Variants in ARFGAP1 observed in about 807,000 individuals in gnomAD.
ARFGAP1 encodes the protein ADP-ribosylation factor GTPase-activating protein 1.
ARFGAP1 carries 26 observed loss-of-function variants against 54.0 expected under a neutral mutation model. The observed-to-expected ratio is 0.48, with a 90% CI of 0.35 to 0.67. The LOEUF (loss-of-function observed/expected upper bound fraction) is 0.67, where lower values mean the gene tolerates loss of function less well. Ranked by LOEUF, ARFGAP1 falls within the 30% of genes least tolerant of loss-of-function variation. The pLI is 0.00. For missense variants in ARFGAP1, 525 were observed against 535.8 expected, an observed-to-expected ratio of 0.98 and a Z score of 0.20; for synonymous variants, 248 against 211.9, an observed-to-expected ratio of 1.17 and a Z score of -1.48.
At position 63,276,651 on chromosome 20, in the gene ARFGAP1, G is replaced by A; in HGVS notation, c.342G>A (p.Lys114=). Residue 114 remains lysine (K), a splice_region_variant and synonymous_variant, in exon 4 of 13, where the codon AAG becomes AAA. Transcript: ENST00000370283. The surrounding 1 kb of genome is among the most constrained non-coding windows in gnomAD (Gnocchi z 5.2). ...GAGCCGCGGCCCTCTTTAGGGATAA[G>A]GTAGAGATGGGCCCGATTCACTCTT... The part of the protein sequence containing the change: ...NSRAAALFRD[K]VVALAEGREW... 1 of 1,603,158 alleles carries A rather than the reference G, an allele frequency of 6.2e-7. No individual in the cohort carries two copies. Among genetic ancestry groups the A allele is most frequent in the Non-Finnish European group, 8.5e-7 (1 of 1,173,894 alleles).
chr20:63,282,903 C>CT (rs1268532183), intron 9 of ARFGAP1, 52 bp downstream of exon 9: 1 of 1,601,984 alleles, frequency 6.2e-7, no homozygotes, highest in Middle Eastern at 1.6e-4. Context: ...TATCCTGAGT[C>CT]TGACGTCACG....
At chr20:63,279,909 C>T (rs955801632) in intron 7 of ARFGAP1, among the ~76,000 whole-genome samples, 2 of 152,168 alleles carry the variant, frequency 1.3e-5, no homozygotes, top group African/African-American at 4.8e-5. Context: ...GAGGCCAAGG[C>T]GGGCGGATCA....
Position 63,287,952 on chromosome 20 carries a change from A to T in ARFGAP1, c.*79A>T. On this transcript the variant is annotated 3_prime_UTR_variant, in exon 13 of 13. Transcript: ENST00000370283. The stretch of plus-strand genomic sequence containing the variant: ...TGCCCTCGTCGTTCCTCCTCCTTCC[A>T]TTTGACCCAAGAATCAGCAACTGCA... 1.4e-6 allele frequency: 2 copies of T among 1,405,796 alleles called. No homozygotes were observed. Among genetic ancestry groups the T allele is most frequent in the Admixed American group, 5.3e-5 (2 of 37,434 alleles). 87.1% of individuals were successfully genotyped at this position (1,405,796 alleles called of 1,614,324 possible).
chr20:63,279,293 C>T (rs2067317880), intron 7 of ARFGAP1: 1 of 490,966 alleles, frequency 2.0e-6, no homozygotes. Context: ...GCAACCTCTG[C>T]CTCCCAGGTT....
intron 2 of ARFGAP1, among the ~76,000 whole-genome samples, 194 bp from the exon 3 acceptor site, chr20:63,275,897 C>G (rs2067223016): frequency 6.6e-6 from 1 of 152,192 alleles, no homozygotes; most frequent in Admixed American, 6.5e-5. Context: ...GCTCTAAGGA[C>G]AGGTCCGCCT....
chr20:63,274,899 G>A (rs1417344470), intron 1 of ARFGAP1, among the ~76,000 whole-genome samples: 3 of 152,206 alleles, frequency 2.0e-5, no homozygotes, highest in African/African-American at 7.2e-5. Flanking sequence ...TGTTGCTGCT[G>A]TCCCAGTAGG....
At chr20:63,282,144 G>A (rs1022695603) in intron 8 of ARFGAP1, among the ~76,000 whole-genome samples, 4 of 152,306 alleles carry the variant, frequency 2.6e-5, no homozygotes, top group Admixed American at 6.5e-5. Context: ...CTCTGGCCCC[G>A]TGTCTTCCCT....
rs529106983 is a variant in ARFGAP1, at chr20:63,276,765, A to C, written c.342+114A>C. On this transcript the variant is annotated intron_variant, in intron 4 of 12. Transcript: ENST00000370283. This position sits in a 1 kb window ranked among gnomAD's most constrained non-coding sequence, Gnocchi z 5.2. ...AGTCGGTTCTTCTGCTGGTTCTGAC[A>C]CACCCACTGGGCCACACACAACTTG... 8.7e-4 allele frequency: 1,084 copies of C among 1,252,902 alleles called. 9 individuals are homozygous for C. In the Middle Eastern group the frequency reaches 0.011, roughly 12 times the overall value. The allele number at this position is 1,252,902 out of a possible 1,614,324, so 77.6% of individuals were successfully genotyped here.
rs1343762643 is a variant in ARFGAP1 at position 63,286,454 on chromosome 20, C to T, written c.911+12C>T. 1.9e-6 allele frequency: 3 copies of T among 1,612,112 alleles called. No individual in the cohort carries two copies. The highest frequency in any genetic ancestry group is 1.3e-5 in the African/African-American group (1 of 75,002). On this transcript the variant is annotated intron_variant, in intron 12 of 12. Coordinates refer to ENST00000370283, the MANE Select transcript of ARFGAP1 (RefSeq NM_018209.4). ...GGCCCCTTGGACAGGTATGCTGTGT[C>T]CCCTCCTGGGCCTTGCATCCCACTC...
At chr20:63,285,513 A>G in intron 10 of ARFGAP1, 141 bp from the exon 11 acceptor site, 2 of 863,340 alleles carry the variant, frequency 2.3e-6, no homozygotes, top group South Asian at 3.1e-5. Flanking sequence ...GCCACTGTAG[A>G]ACTTTCTGGG....
chr20:63,276,155 G>A lies in ARFGAP1; in HGVS notation c.125G>A (p.Cys42Tyr), dbSNP rs2067231578. ...WVSVTYGIWI[C>Y]LECSGRHRGL... ...AGTGTGACCTACGGCATCTGGATCTGCCTGGAGTGCTCGGGGAGACACCGC... is the reference window on the plus strand; with the variant it reads ...AGTGTGACCTACGGCATCTGGATCTACCTGGAGTGCTCGGGGAGACACCGC... The change falls in exon 3 of 13, where the codon TGC becomes TAC. Residue 42 changes from cysteine (C) to tyrosine (Y), a missense_variant. Physicochemically the swap from Cys to Tyr is radical, Grantham distance 194. Transcript: ENST00000370283. The surrounding 1 kb of genome is among the most constrained non-coding windows in gnomAD (Gnocchi z 5.2). 1 of 1,613,926 alleles carries A rather than the reference G, an allele frequency of 6.2e-7. No individual in the cohort carries two copies. The highest frequency in any genetic ancestry group is 8.5e-7 in the Non-Finnish European group (1 of 1,180,040).
chr20:63,282,227 C>T (rs374358695), intron 8 of ARFGAP1, among the ~76,000 whole-genome samples: 31 of 152,374 alleles, frequency 2.0e-4, no homozygotes, highest in African/African-American at 5.3e-4. Context: ...CCCACGGCCC[C>T]GTGACTTTGC....
At chr20:63,274,711 GCCA>G (rs2067190913) in intron 1 of ARFGAP1, among the ~76,000 whole-genome samples, 1 of 152,102 alleles carries the variant, frequency 6.6e-6, no homozygotes, top group Admixed American at 6.5e-5. Context: ...GGTGTGCAGG[GCCA>G]CTGGGTCATT....
chr20:63,285,416 A>G (rs2067504923), intron 10 of ARFGAP1: 4 of 583,452 alleles, frequency 6.9e-6, no homozygotes, highest in Non-Finnish European at 1.2e-5. Flanking sequence ...TCACGTTGCT[A>G]TTTGTCAGCA....
At chr20:63,275,996 C>T in intron 2 of ARFGAP1, 95 bp from the exon 3 acceptor site, 1 of 1,155,712 alleles carries the variant, frequency 8.7e-7, no homozygotes, top group South Asian at 1.2e-5. Flanking sequence ...CTGGGCAGCC[C>T]TCTGCATTCG....
In ARFGAP1 at chr20:63,289,036, G is replaced by A. The variant is rs2123340738; in HGVS notation, c.*1163G>A. On this transcript the variant is annotated 3_prime_UTR_variant, in exon 13 of 13. Coordinates refer to ENST00000370283, the MANE Select transcript of ARFGAP1 (RefSeq NM_018209.4). ...CAGCCCCTGTGCTCGTCCCACCCTAGGGACTCAGCCACTTGCAGAACAGGA... is the reference window on the plus strand; with the variant it reads ...CAGCCCCTGTGCTCGTCCCACCCTAAGGACTCAGCCACTTGCAGAACAGGA... The A allele has an allele frequency of 5.9e-6, 1 of 169,884 alleles. No homozygotes were observed. Among genetic ancestry groups the A allele is most frequent in the East Asian group, 1.5e-4 (1 of 6,544 alleles). The allele number at this position is 169,884 out of a possible 1,614,324, so 10.5% of individuals were successfully genotyped here.
rs1253287895 is a variant in ARFGAP1 at position 63,272,915 on chromosome 20, C to T, written c.-10C>T. ...CCCCGGCGGCCCTGCCCGCCCCTCC[C>T]TCCAGGTAAGCGCGCGGCTCGGCGG... On this transcript the variant is annotated 5_prime_UTR_variant, in exon 1 of 13. Transcript: ENST00000370283. 6.6e-6 allele frequency: 1 copy of T among 152,166 alleles called. No individual in the cohort carries two copies. Among genetic ancestry groups the T allele is most frequent in the Non-Finnish European group, 1.5e-5 (1 of 68,056 alleles). The allele number at this position is 152,166 out of a possible 1,614,324, so 9.4% of individuals were successfully genotyped here. A position where few individuals can be genotyped will look rare whatever the true frequency, so the allele number is the denominator to read the frequency against.
chr20:63,279,953 A>G (rs908693675), intron 7 of ARFGAP1, among the ~76,000 whole-genome samples: 86 of 152,286 alleles, frequency 5.6e-4, no homozygotes, highest in African/African-American at 2.1e-3. Context: ...AGCCTGGCCA[A>G]TGTGGCGAAA....
chr20:63,283,957 G>C (rs1272026085), intron 9 of ARFGAP1: 1 of 1,594,118 alleles, frequency 6.3e-7, no homozygotes, highest in East Asian at 2.2e-5. Context: ...TCCCTCCTGC[G>C]TGCTGCCACT....
Sources: gnomAD v4.1 joint callset for allele counts (sites outside exome capture counted in the v4.1 genomes callset) on GRCh38, gnomAD v4.1.1 for gene constraint, Gnocchi (gnomAD v3.1) non-coding constraint, MANE v1.5 for transcripts, NCBI Gene and HGNC (gene_info 2026-07-23, HGNC 2026-07-21) for gene names.